Variants in DGKB observed in about 807,000 individuals in gnomAD.
DGKB encodes the protein 90 kDa diacylglycerol kinase.
Under a neutral mutation model 114.3 loss-of-function variants are expected in DGKB, and 67 were observed. The observed-to-expected ratio is 0.59, with a 90% CI of 0.48 to 0.72. The LOEUF is 0.72. Ranked by LOEUF, DGKB falls within the 30% of genes least tolerant of loss-of-function variation. The pLI is 0.00. For synonymous variants in DGKB, 398 were observed against 323.1 expected (o/e 1.23, Z -2.49); for missense variants, 907 against 975.2 (o/e 0.93, Z 0.93).
chr7:14,337,900 A>C (rs1162403481), intron 23 of DGKB, among the ~76,000 whole-genome samples: 2 of 152,172 alleles, frequency 1.3e-5, no homozygotes, highest in African/African-American at 4.8e-5. Context: ...GAACTATATT[A>C]CAATAGAGTT....
intron 4 of DGKB, among the ~76,000 whole-genome samples, chr7:14,743,022 C>T (rs1832782179): frequency 6.6e-6 from 1 of 152,034 alleles, no homozygotes; most frequent in South Asian, 2.1e-4. Context: ...TTTCTGTAAA[C>T]TGAGCAATGA....
At chr7:14,238,948 G>T (rs1005209334) in intron 23 of DGKB, among the ~76,000 whole-genome samples, 1 of 152,034 alleles carries the variant, frequency 6.6e-6, no homozygotes, top group Admixed American at 6.6e-5. Flanking sequence ...CTAAAACAAT[G>T]ATTATGTTAC....
intron 2 of DGKB, among the ~76,000 whole-genome samples, chr7:14,810,759 C>A (rs1843329836): frequency 6.6e-6 from 1 of 152,130 alleles, no homozygotes; most frequent in Admixed American, 6.6e-5. Context: ...CAGGCATGCG[C>A]CACCATGCCA....
chr7:14,470,342 T>TAGAA (rs1248801506), intron 21 of DGKB, among the ~76,000 whole-genome samples: 27 of 151,694 alleles, frequency 1.8e-4, no homozygotes, highest in Middle Eastern at 3.4e-3. Context: ...ATACACAAGG[T>TAGAA]AGAAGTGTGC....
intron 21 of DGKB, among the ~76,000 whole-genome samples, chr7:14,461,174 C>T (rs973166261): frequency 3.3e-5 from 5 of 152,118 alleles, no homozygotes; most frequent in Admixed American, 6.5e-5. Flanking sequence ...AACACCCTAA[C>T]ATCACAATTA....
chr7:14,701,066 G>C (rs549425098), intron 7 of DGKB, among the ~76,000 whole-genome samples: 12 of 151,590 alleles, frequency 7.9e-5, no homozygotes, highest in African/African-American at 2.9e-4. Flanking sequence ...ACAAATAAAC[G>C]TTTAATTATT....
intron 12 of DGKB, among the ~76,000 whole-genome samples, chr7:14,676,896 C>G (rs1209709524): frequency 6.6e-6 from 1 of 151,814 alleles, no homozygotes; most frequent in African/African-American, 2.4e-5. Context: ...GTTCAGTTAT[C>G]TTTGTATTTT....
At chr7:14,348,931 C>T (rs996674316) in intron 21 of DGKB, among the ~76,000 whole-genome samples, 27 of 151,802 alleles carry the variant, frequency 1.8e-4, no homozygotes, top group African/African-American at 6.3e-4. Context: ...GGGTCTGTTT[C>T]AGAACATGTA....
intron 22 of DGKB, 102 bp downstream of exon 22, chr7:14,345,199 T>C: frequency 1.6e-6 from 1 of 635,912 alleles, no homozygotes; most frequent in East Asian, 2.8e-5. Flanking sequence ...CTCTGTGGAT[T>C]GCTAATATAT....
At chr7:14,792,836 CATA>C (rs542725672) in intron 2 of DGKB, among the ~76,000 whole-genome samples, 118 of 152,218 alleles carry the variant, frequency 7.8e-4, no homozygotes, top group African/African-American at 2.6e-3. Flanking sequence ...AAATGTATCT[CATA>C]ATACTAGTCC....
At chr7:14,414,030 ATTT>A in intron 21 of DGKB, among the ~76,000 whole-genome samples, 1 of 152,312 alleles carries the variant, frequency 6.6e-6, no homozygotes, top group East Asian at 1.9e-4. Flanking sequence ...ATTGTTGTAC[ATTT>A]TTTAAGTTTA....
intron 1 of DGKB, among the ~76,000 whole-genome samples, chr7:14,949,970 G>A (rs934574617): frequency 1.3e-5 from 2 of 151,632 alleles, no homozygotes; most frequent in African/African-American, 4.8e-5. Flanking sequence ...GGGGAGTGGG[G>A]AGGGATAGCA....
intron 2 of DGKB, among the ~76,000 whole-genome samples, chr7:14,795,001 A>G (rs945728538): frequency 1.3e-5 from 2 of 152,186 alleles, no homozygotes; most frequent in African/African-American, 2.4e-5. Context: ...GGCAGATGCC[A>G]TACAAGACAA....
chr7:14,696,669 C>G (rs1343578766), intron 8 of DGKB, among the ~76,000 whole-genome samples: 3 of 152,012 alleles, frequency 2.0e-5, no homozygotes, highest in African/African-American at 7.3e-5. Context: ...ACAAGGGCAA[C>G]AGAAATAATC....
intron 23 of DGKB, among the ~76,000 whole-genome samples, chr7:14,313,983 C>G (rs537983144): frequency 7.2e-5 from 11 of 152,170 alleles, no homozygotes; most frequent in African/African-American, 2.2e-4. Flanking sequence ...CCCTGACCCC[C>G]GAGCAGTTTA....
chr7:14,427,994 C>A lies in DGKB; in HGVS notation c.1835+50167G>T, dbSNP rs191881457. Among the ~76,000 whole-genome samples, 145 of 152,008 alleles carry A rather than the reference C, an allele frequency of 9.5e-4. 4 individuals are homozygous for A. The highest frequency in any genetic ancestry group is 9.5e-3 in the Admixed American group (145 of 15,236). ...TCCTGTTTATACAGTTTGTTTCTAC[C>A]AGCACATCAATTTTCTATTGATGGT... On this transcript the variant is annotated intron_variant, in intron 21 of 25. Coordinates refer to ENST00000402815, the MANE Select transcript of DGKB (RefSeq NM_001350709.2).
intron 20 of DGKB, among the ~76,000 whole-genome samples, chr7:14,484,115 T>C (rs1380332513): frequency 6.6e-6 from 1 of 152,036 alleles, no homozygotes; most frequent in Non-Finnish European, 1.5e-5. Context: ...CCTCTTAATT[T>C]GAATTTGCAT....
intron 20 of DGKB, among the ~76,000 whole-genome samples, chr7:14,546,260 C>G (rs1022480942): frequency 2.0e-5 from 3 of 151,890 alleles, no homozygotes; most frequent in African/African-American, 7.3e-5. Context: ...CAAATGACTG[C>G]CCAAGTTTTT....
intron 13 of DGKB, among the ~76,000 whole-genome samples, chr7:14,670,406 G>A (rs939794729): frequency 2.6e-5 from 4 of 151,730 alleles, no homozygotes; most frequent in African/African-American, 9.7e-5. Context: ...GGGTTCAAGC[G>A]ATTCCCCTGC....
Sources: gnomAD v4.1 joint callset for allele counts (sites outside exome capture counted in the v4.1 genomes callset) on GRCh38, gnomAD v4.1.1 for gene constraint, MANE v1.5 for transcripts, NCBI Gene and HGNC (gene_info 2026-07-23, HGNC 2026-07-21) for gene names.